The following PRKDC variants were observed in gnomAD, a reference collection of about 807,000 sequenced individuals.
PRKDC encodes the protein DNA-dependent protein kinase catalytic subunit.
A neutral mutation model predicts 486.9 loss-of-function variants in PRKDC; 82 were observed. That is an observed-to-expected ratio of 0.17 (90% confidence interval 0.14 to 0.20). The LOEUF is 0.20. Ranked by LOEUF, PRKDC falls within the 10% of genes least tolerant of loss-of-function variation. The pLI, the probability that PRKDC is intolerant of heterozygous loss-of-function variation, is 1.00. For missense variants in PRKDC, 4,504 were observed against 5,038.2 expected (o/e 0.89, Z 3.21); for synonymous variants, 1,895 against 1,837.0 (o/e 1.03, Z -0.81).
chr8:47,850,920 C>G (rs561300774), intron 52 of PRKDC, among the ~76,000 whole-genome samples: 1 of 152,338 alleles, frequency 6.6e-6, no homozygotes, highest in African/African-American at 2.4e-5. Flanking sequence ...AGGGATTCTC[C>G]TGCTTCAGCC....
intron 25 of PRKDC, among the ~76,000 whole-genome samples, chr8:47,909,638 G>C (rs1293539380): frequency 6.6e-6 from 1 of 152,198 alleles, no homozygotes; most frequent in Non-Finnish European, 1.5e-5. Flanking sequence ...AAAGCCTATA[G>C]ACGGATGTGC....
At chr8:47,941,203 T>C (rs536460422) in intron 10 of PRKDC, among the ~76,000 whole-genome samples, 16 of 151,630 alleles carry the variant, frequency 1.1e-4, no homozygotes, top group African/African-American at 3.4e-4. Context: ...GGAAAATATA[T>C]TCAACATAGT....
intron 23 of PRKDC, among the ~76,000 whole-genome samples, chr8:47,914,829 A>T (rs2089962056): frequency 1.3e-5 from 2 of 152,034 alleles, no homozygotes; most frequent in South Asian, 4.1e-4. Context: ...TTTAAATTAA[A>T]ATAATAGAGA....
intron 4 of PRKDC, among the ~76,000 whole-genome samples, chr8:47,954,703 G>C (rs549337154): frequency 6.6e-6 from 1 of 152,190 alleles, no homozygotes; most frequent in African/African-American, 2.4e-5. Context: ...GAATGCTCTA[G>C]GTGTGTTACG....
rs369590611 is a variant in PRKDC at position 47,825,200 on chromosome 8, GT to G, written c.8784-1205del. ...ACTGGTTCCATTGTCCCTGGATTAT[GT>G]TCACTATAACATGGTTAGAACAATG... On this transcript the variant is annotated intron_variant, in intron 63 of 85. Coordinates refer to ENST00000314191, the MANE Select transcript of PRKDC (RefSeq NM_006904.7). 2.1e-3 allele frequency among the ~76,000 whole-genome samples: 324 copies of G among 152,166 alleles called. 1 individual carries two copies. The highest frequency in any genetic ancestry group is 7.5e-3 in the African/African-American group (310 of 41,514).
chr8:47,800,092 G>C (rs2087068958), intron 71 of PRKDC, among the ~76,000 whole-genome samples: 1 of 151,988 alleles, frequency 6.6e-6, no homozygotes, highest in Non-Finnish European at 1.5e-5. Context: ...GGCTGTGCGT[G>C]CCATCCCATT....
intron 68 of PRKDC, among the ~76,000 whole-genome samples, chr8:47,815,653 G>C (rs2087427133): frequency 6.6e-6 from 1 of 152,196 alleles, no homozygotes. Context: ...AAATAAGTAA[G>C]TAAACAGAAG....
intron 40 of PRKDC, among the ~76,000 whole-genome samples, chr8:47,872,350 A>G (rs2088973175): frequency 6.6e-6 from 1 of 152,200 alleles, no homozygotes; most frequent in Admixed American, 6.5e-5. Flanking sequence ...CACTAAAAGG[A>G]AGACAGGAAG....
intron 57 of PRKDC, among the ~76,000 whole-genome samples, 183 bp downstream of exon 57, chr8:47,837,029 A>T (rs898959864): frequency 6.6e-6 from 1 of 152,202 alleles, no homozygotes; most frequent in Non-Finnish European, 1.5e-5. Flanking sequence ...AATCTAGTGG[A>T]GGCCAAGAGG....
rs1027037671 is a variant in PRKDC at position 47,929,932 on chromosome 8, G to A, written c.1973C>T (p.Thr658Ile). The change falls in exon 18 of 86, where the codon ACA becomes ATA. Residue 658 changes from threonine to isoleucine, a missense_variant. Thr to Ile is a moderately conservative substitution (Grantham distance 89). Transcript: ENST00000314191. The stretch of plus-strand genomic sequence containing the variant: ...GAAACCACTGATGAGGGGCAACCTT[G>A]TAGATTGCAAAATTAATTCATATGA... ...SFSYELILQS[T>I]RLPLISGFYK... 3.7e-6 allele frequency: 6 copies of A among 1,610,056 alleles called. No individual in the cohort carries two copies. Among genetic ancestry groups the A allele is most frequent in the Middle Eastern group, 1.7e-4 (1 of 6,052 alleles).
chr8:47,858,718 G>C, intron 47 of PRKDC, 83 bp from the exon 48 acceptor site: 1 of 1,443,348 alleles, frequency 6.9e-7, no homozygotes, highest in Non-Finnish European at 9.2e-7. Context: ...CAAGGACAAA[G>C]TAAGACATGA....
At chr8:47,806,389 G>A (rs1394363176) in intron 69 of PRKDC, among the ~76,000 whole-genome samples, 1 of 152,058 alleles carries the variant, frequency 6.6e-6, no homozygotes, top group Non-Finnish European at 1.5e-5. Flanking sequence ...TCCAGTTCCT[G>A]CTCTGCCTGC....
Position 47,775,772 on chromosome 8 carries a change from A to G in PRKDC, c.12182+1072T>C, listed in dbSNP as rs1411038212. ...GTGCTTTCAGTGTCATACCTAAAAA[A>G]TGGCAAGTATCACAACAAAATCCAA... On this transcript the variant is annotated intron_variant, in intron 85 of 85. Coordinates refer to ENST00000314191, the MANE Select transcript of PRKDC (RefSeq NM_006904.7). Among the ~76,000 whole-genome samples the G allele has an allele frequency of 2.0e-5, 3 of 151,482 alleles. No homozygotes were observed. The East Asian group carries it at 5.8e-4, about 29-fold the overall frequency.
At chr8:47,920,042 A>AT (rs2090048277) in intron 21 of PRKDC, among the ~76,000 whole-genome samples, 1 of 152,190 alleles carries the variant, frequency 6.6e-6, no homozygotes, top group African/African-American at 2.4e-5. Context: ...CCTGCTACAG[A>AT]TAACTAGCCA....
At chr8:47,928,341 T>C (rs927659576) in intron 19 of PRKDC, among the ~76,000 whole-genome samples, 2 of 151,710 alleles carry the variant, frequency 1.3e-5, no homozygotes, top group Admixed American at 6.6e-5. Context: ...TTAGTACAGA[T>C]GGGATTTCGC....
intron 25 of PRKDC, among the ~76,000 whole-genome samples, chr8:47,908,088 G>A (rs536433589): frequency 6.6e-6 from 1 of 152,352 alleles, no homozygotes; most frequent in East Asian, 1.9e-4. Flanking sequence ...GGCCAGGACT[G>A]TGGTCACTCA....
intron 71 of PRKDC, among the ~76,000 whole-genome samples, chr8:47,800,015 T>C (rs2087066657): frequency 6.6e-6 from 1 of 152,200 alleles, no homozygotes; most frequent in Non-Finnish European, 1.5e-5. Flanking sequence ...TTTTTAATAT[T>C]AAAAAATTTG....
At chr8:47,792,343 C>T (rs1359466209) in intron 74 of PRKDC, among the ~76,000 whole-genome samples, 2 of 150,702 alleles carry the variant, frequency 1.3e-5, no homozygotes, top group Non-Finnish European at 2.9e-5. Flanking sequence ...ACTGCAAGCT[C>T]CGCCTCCCGG....
At chr8:47,879,765 C>A in intron 38 of PRKDC, 107 bp from the exon 39 acceptor site, 11 of 768,664 alleles carry the variant, frequency 1.4e-5, no homozygotes, top group African/African-American at 1.9e-5. Context: ...TATGTGGAAT[C>A]AATGAATGGC....
Sources: allele counts gnomAD v4.1 joint callset (sites outside exome capture counted in the v4.1 genomes callset), GRCh38; gene constraint gnomAD v4.1.1; transcripts MANE v1.5; gene names NCBI Gene and HGNC (gene_info 2026-07-23, HGNC 2026-07-21).